The following GIPC2 variants were observed in gnomAD, a reference collection of about 807,000 sequenced individuals.
The protein encoded by GIPC2 is GIPC PDZ domain containing family member 2.
A neutral mutation model predicts 30.6 loss-of-function variants in GIPC2; 30 were observed. The ratio of observed to expected loss-of-function variants is 0.98; its 90% confidence interval spans 0.73 to 1.33. The LOEUF (loss-of-function observed/expected upper bound fraction) is 1.33. GIPC2 is among the 40% of genes most tolerant of loss of function. The probability of loss-of-function intolerance (pLI) is 0.00; values close to 1 mark genes in which losing one functional copy is unlikely to be tolerated. For synonymous variants in GIPC2, 167 were observed against 150.0 expected, an observed-to-expected ratio of 1.11 and a Z score of -0.83; for missense variants, 414 against 390.3, an observed-to-expected ratio of 1.06 and a Z score of -0.51.
chr1:78,113,405 T>C (rs1662508298), intron 3 of GIPC2, among the ~76,000 whole-genome samples: 1 of 152,212 alleles, frequency 6.6e-6, no homozygotes, highest in Non-Finnish European at 1.5e-5. Context: ...TTTCTTTTTT[T>C]GAGACAAGGT....
At chr1:78,098,499 C>A (rs1662181500) in intron 3 of GIPC2, among the ~76,000 whole-genome samples, 1 of 152,044 alleles carries the variant, frequency 6.6e-6, no homozygotes. Flanking sequence ...AATTATCTAT[C>A]TCACAAATTA....
At chr1:78,114,208 A>G (rs1341702978) in intron 3 of GIPC2, among the ~76,000 whole-genome samples, 2 of 152,156 alleles carry the variant, frequency 1.3e-5, no homozygotes, top group Non-Finnish European at 2.9e-5. Context: ...CTGCAGGTGC[A>G]GGCTGGTTAC....
At position 78,052,740 on chromosome 1, in the gene GIPC2, T is replaced by G. The variant is rs181431375; in HGVS notation, c.240+6406T>G. On this transcript the variant is annotated intron_variant, in intron 1 of 5. Coordinates refer to ENST00000370759, the MANE Select transcript of GIPC2 (RefSeq NM_017655.6). ...AAACTATGAAATTTGAGGCTCTGTTTGCAAGCATAGTCACTTCCTAAATGA... is the reference window on the plus strand; with the variant it reads ...AAACTATGAAATTTGAGGCTCTGTTGGCAAGCATAGTCACTTCCTAAATGA... Among the ~76,000 whole-genome samples, 8 of 152,342 alleles carry G rather than the reference T, an allele frequency of 5.3e-5. No individual in the cohort carries two copies. In the East Asian group the frequency reaches 1.2e-3, roughly 22 times the overall value.
At chr1:78,114,174 G>A (rs755470592) in intron 3 of GIPC2, among the ~76,000 whole-genome samples, 9 of 152,182 alleles carry the variant, frequency 5.9e-5, no homozygotes, top group South Asian at 2.1e-4. Flanking sequence ...GAGCCCTGGT[G>A]CATCTAGCGA....
intron 2 of GIPC2, among the ~76,000 whole-genome samples, chr1:78,086,354 A>AT (rs1438257183): frequency 3.3e-5 from 5 of 152,272 alleles, no homozygotes; most frequent in African/African-American, 1.2e-4. Context: ...TATGTGGTCA[A>AT]TTTTAGAGTA....
chr1:78,049,497 C>T (rs1008841440), intron 1 of GIPC2, among the ~76,000 whole-genome samples: 2 of 152,146 alleles, frequency 1.3e-5, no homozygotes, highest in East Asian at 1.9e-4. Flanking sequence ...AAACATTTGC[C>T]CCCCTTAATG....
At chr1:78,109,301 T>C (rs1372439449) in intron 3 of GIPC2, among the ~76,000 whole-genome samples, 1 of 152,200 alleles carries the variant, frequency 6.6e-6, no homozygotes, top group Admixed American at 6.5e-5. Context: ...CATTCTTGTG[T>C]CCCATATCTG....
upstream of GIPC2, among the ~76,000 whole-genome samples, chr1:78,045,281 T>C (rs1661047429): frequency 6.6e-6 from 1 of 152,178 alleles, no homozygotes; most frequent in Non-Finnish European, 1.5e-5. Context: ...TTTGCTTTGT[T>C]GTAAAAAGCG....
At position 78,135,760 on chromosome 1, in the gene GIPC2, C is replaced by G. The variant is rs778587414; in HGVS notation, c.*17C>G. ...GGATTATGATGTGTACACTCCATCT[C>G]TGAAGAAACAACCCATCGTTCTTTT... On this transcript the variant is annotated 3_prime_UTR_variant, in exon 6 of 6. Transcript: ENST00000370759. The G allele has an allele frequency of 1.3e-6, 2 of 1,589,698 alleles. No individual in the cohort carries two copies. The highest frequency in any genetic ancestry group is 2.3e-5 in the East Asian group (1 of 43,970).
chr1:78,090,464 G>A (rs1259706527), intron 2 of GIPC2, among the ~76,000 whole-genome samples: 5 of 152,060 alleles, frequency 3.3e-5, no homozygotes, highest in Admixed American at 6.5e-5. Flanking sequence ...CAAAGTGCTA[G>A]GATTACAGGC....
intron 2 of GIPC2, chr1:78,091,365 T>A: frequency 6.1e-6 from 3 of 489,744 alleles, no homozygotes; most frequent in Non-Finnish European, 1.1e-5. Flanking sequence ...CGACTGGACA[T>A]GTAGCTCAGA....
At chr1:78,084,223 T>C (rs1661884799) in intron 2 of GIPC2, among the ~76,000 whole-genome samples, 2 of 152,174 alleles carry the variant, frequency 1.3e-5, no homozygotes, top group Non-Finnish European at 2.9e-5. Flanking sequence ...TATTAGAAGT[T>C]ATGAATTGGG....
chr1:78,123,621 A>G (rs1356588023), intron 4 of GIPC2, among the ~76,000 whole-genome samples: 1 of 152,220 alleles, frequency 6.6e-6, no homozygotes, highest in Non-Finnish European at 1.5e-5. Flanking sequence ...GCAGGGAGAC[A>G]AAATAGGAAA....
intron 1 of GIPC2, among the ~76,000 whole-genome samples, chr1:78,053,737 C>G (rs1353163879): frequency 7.9e-6 from 1 of 127,050 alleles, no homozygotes; most frequent in Non-Finnish European, 1.6e-5. Flanking sequence ...TAGTGGTACC[C>G]TGCCTCTTAA....
At chr1:78,082,320 T>A (rs1661845831) in intron 2 of GIPC2, among the ~76,000 whole-genome samples, 1 of 152,208 alleles carries the variant, frequency 6.6e-6, no homozygotes, top group African/African-American at 2.4e-5. Flanking sequence ...CTTTATTTTG[T>A]CCAAATCTTG....
intron 1 of GIPC2, among the ~76,000 whole-genome samples, chr1:78,048,403 C>CT (rs372085134): frequency 2.1e-4 from 31 of 150,184 alleles, no homozygotes; most frequent in Middle Eastern, 3.4e-3. Context: ...TCAGTGTATT[C>CT]TTTTTTTTTG....
intron 2 of GIPC2, among the ~76,000 whole-genome samples, chr1:78,082,697 A>G (rs2100350406): frequency 6.6e-6 from 1 of 152,216 alleles, no homozygotes; most frequent in East Asian, 1.9e-4. Flanking sequence ...GTGGAGATAT[A>G]GGGCATGTTA....
At chr1:78,077,125 C>T (rs1278011629) in intron 1 of GIPC2, among the ~76,000 whole-genome samples, 1 of 152,046 alleles carries the variant, frequency 6.6e-6, no homozygotes, top group African/African-American at 2.4e-5. Flanking sequence ...GTTGTAACCA[C>T]TAGCCGAATT....
intron 2 of GIPC2, chr1:78,092,173 A>G: frequency 1.6e-6 from 1 of 640,618 alleles, no homozygotes. Flanking sequence ...TAGAGCCTTT[A>G]AAAAACCCAA....
Sources: gnomAD v4.1 joint callset for allele counts (sites outside exome capture counted in the v4.1 genomes callset) on GRCh38, gnomAD v4.1.1 for gene constraint, MANE v1.5 for transcripts, NCBI Gene and HGNC (gene_info 2026-07-23, HGNC 2026-07-21) for gene names.